The following DNAH5 variants were observed in gnomAD, a reference collection of about 807,000 sequenced individuals.
DNAH5 encodes the protein dynein axonemal heavy chain 5, also known as axonemal beta dynein heavy chain 5.
Under a neutral mutation model 518.2 loss-of-function variants are expected in DNAH5, and 372 were observed. The observed-to-expected ratio is 0.72, with a 90% CI of 0.66 to 0.78. DNAH5 has a LOEUF of 0.78. Ranked by LOEUF, DNAH5 falls within the 30% of genes least tolerant of loss-of-function variation. The pLI is 0.00. For synonymous variants in DNAH5, 2,039 were observed against 2,025.9 expected, an observed-to-expected ratio of 1.01 and a Z score of -0.17; for missense variants, 5,523 against 5,687.0, an observed-to-expected ratio of 0.97 and a Z score of 0.93.
chr5:13,907,592 A>T (rs1009300465), intron 12 of DNAH5, among the ~76,000 whole-genome samples: 1 of 152,210 alleles, frequency 6.6e-6, no homozygotes, highest in East Asian at 1.9e-4. Flanking sequence ...TGAACCCCTC[A>T]AATATGTTTT....
chr5:13,814,913 T>A lies in DNAH5; in HGVS notation c.6989-67A>T, dbSNP rs554170281. 4.9e-4 allele frequency: 704 copies of A among 1,447,960 alleles called. 3 individuals carry two copies. In the African/African-American group the frequency reaches 6.9e-3, roughly 14 times the overall value. The allele number at this position is 1,447,960 out of a possible 1,614,324, so 89.7% of individuals were successfully genotyped here. ...CATGCAGTGCATGTACACATAAGTT[T>A]AAAATAGCTTGAAGAACTATTATAT... On this transcript the variant is annotated intron_variant, in intron 42 of 78. Coordinates refer to ENST00000265104, the MANE Select transcript of DNAH5 (RefSeq NM_001369.3).
intron 78 of DNAH5, among the ~76,000 whole-genome samples, chr5:13,694,987 GGTGAGTT>G (rs1741169802): frequency 6.6e-6 from 1 of 152,184 alleles, no homozygotes; most frequent in Non-Finnish European, 1.5e-5. Context: ...AACAGAAGGA[GGTGAGTT>G]GTCCAAGATT....
intron 1 of DNAH5, among the ~76,000 whole-genome samples, chr5:13,988,286 G>C (rs1178634395): frequency 6.6e-6 from 1 of 152,110 alleles, no homozygotes. Flanking sequence ...CTGTCCCTTT[G>C]GTCTCCCATT....
chr5:13,780,625 T>C (rs954659975), intron 53 of DNAH5, among the ~76,000 whole-genome samples: 4 of 152,216 alleles, frequency 2.6e-5, no homozygotes, highest in African/African-American at 9.6e-5. Context: ...AGTGAGAGTT[T>C]GAAATATTTC....
intron 21 of DNAH5, among the ~76,000 whole-genome samples, chr5:13,881,581 A>G (rs977717483): frequency 3.7e-4 from 57 of 152,086 alleles, no homozygotes; most frequent in African/African-American, 1.3e-3. Context: ...AAACTTCTCA[A>G]ATCAGGTCAA....
chr5:13,834,716 G>A lies in DNAH5; in HGVS notation c.5883-3941C>T, dbSNP rs139634636. Among the ~76,000 whole-genome samples the A allele has an allele frequency of 3.3e-4, 51 of 152,322 alleles. No individual in the cohort carries two copies. The East Asian group carries it at 7.4e-3, about 22-fold the overall frequency. On this transcript the variant is annotated intron_variant, in intron 35 of 78. Transcript: ENST00000265104. ...GAGGGTGCCAGGCCAAGTGTATAATGAGGGCAAGGGCCCTGTGGCAGGGCT... is the reference window on the plus strand; with the variant it reads ...GAGGGTGCCAGGCCAAGTGTATAATAAGGGCAAGGGCCCTGTGGCAGGGCT...
intron 47 of DNAH5, among the ~76,000 whole-genome samples, chr5:13,805,416 T>A (rs549316533): frequency 6.6e-6 from 1 of 152,236 alleles, no homozygotes; most frequent in Non-Finnish European, 1.5e-5. Flanking sequence ...GAGAATTGCT[T>A]GAACCCAGGA....
Position 13,714,748 on chromosome 5 carries a change from A to T in DNAH5, c.12910-128T>A, listed in dbSNP as rs1744063423. Reference sequence around the variant, plus strand: ...ACTTAAGTCTTATTGGTGTCAAGCTACAAACTCAATAATTTCTCCAGAAAA... The same window carrying T: ...ACTTAAGTCTTATTGGTGTCAAGCTTCAAACTCAATAATTTCTCCAGAAAA... On this transcript the variant is annotated intron_variant, in intron 74 of 78. Coordinates refer to ENST00000265104, the MANE Select transcript of DNAH5 (RefSeq NM_001369.3). 3 of 875,554 alleles carry T rather than the reference A, an allele frequency of 3.4e-6. No individual in the cohort carries two copies. In the South Asian group the frequency reaches 4.4e-5, roughly 13 times the overall value. 54.2% of individuals were successfully genotyped at this position (875,554 alleles called of 1,614,324 possible). A position where few individuals can be genotyped will look rare whatever the true frequency, so the allele number is the denominator to read the frequency against.
At chr5:13,720,235 G>C (rs1744867122) in intron 71 of DNAH5, among the ~76,000 whole-genome samples, 1 of 151,978 alleles carries the variant, frequency 6.6e-6, no homozygotes, top group Admixed American at 6.5e-5. Context: ...TGCTGAATAA[G>C]TTATCTAAAC....
chr5:13,898,755 T>C (rs989831495), intron 15 of DNAH5: 2 of 396,604 alleles, frequency 5.0e-6, no homozygotes, highest in East Asian at 7.1e-5. Flanking sequence ...ATGGACTTAG[T>C]ATTGTCACGT....
At position 13,737,447 on chromosome 5, in the gene DNAH5, T is replaced by G. The variant is rs1382835820; in HGVS notation, c.11260A>C (p.Lys3754Gln). Residue 3754 changes from lysine to glutamine, a missense_variant, in exon 66 of 79, where the codon AAA (lysine) becomes CAA (glutamine). Lys to Gln is a moderately conservative substitution (Grantham distance 53). Transcript: ENST00000265104. ...THLMEDVTANKRRMKELEDNL... is the reference protein window; with the variant it reads ...THLMEDVTANQRRMKELEDNL... ...TCTTCTAGTTCCTTCATCCTTCTTT[T>G]GTTTGCAGTTACATCTTCCATCAGA... is the stretch of plus-strand genomic sequence containing the variant. 6.2e-7 allele frequency: 1 copy of G among 1,614,028 alleles called. No individual in the cohort carries two copies. Among genetic ancestry groups the G allele is most frequent in the Non-Finnish European group, 8.5e-7 (1 of 1,179,992 alleles).
chr5:13,829,595 G>T lies in DNAH5; in HGVS notation c.6359C>A (p.Ala2120Asp), dbSNP rs1763364219. ...DRQIIIRVKL[A>D]SCGFIDNVVL... Reference sequence around the variant, plus strand: ...AACGTTGTCAATGAAGCCACAACTAGCCAACTTCACCCTTATGATAATCTG... The same window carrying T: ...AACGTTGTCAATGAAGCCACAACTATCCAACTTCACCCTTATGATAATCTG... The change falls in exon 38 of 79, where the codon GCT (alanine) becomes GAT (aspartate). Residue 2120 changes from alanine (A) to aspartate (D), a missense_variant. Transcript: ENST00000265104. 6.2e-7 allele frequency: 1 copy of T among 1,614,036 alleles called. No individual in the cohort carries two copies. The highest frequency in any genetic ancestry group is 1.3e-5 in the African/African-American group (1 of 74,918).
intron 58 of DNAH5, among the ~76,000 whole-genome samples, chr5:13,767,669 T>A (rs541957146): frequency 1.3e-5 from 2 of 152,210 alleles, no homozygotes; most frequent in East Asian, 3.8e-4. Context: ...TCAAACAGCA[T>A]GGTGCTCAGC....
intron 1 of DNAH5, among the ~76,000 whole-genome samples, chr5:13,942,516 C>T (rs965415948): frequency 6.6e-6 from 1 of 152,194 alleles, no homozygotes; most frequent in Non-Finnish European, 1.5e-5. Flanking sequence ...CCCATCTGTA[C>T]ACTTCCTTGT....
chr5:13,936,920 T>G (rs1287068244), intron 1 of DNAH5, among the ~76,000 whole-genome samples: 1 of 152,134 alleles, frequency 6.6e-6, no homozygotes, highest in East Asian at 1.9e-4. Flanking sequence ...GGACATCTTT[T>G]CCCAGACCCT....
At chr5:13,820,236 T>G (rs967848886) in intron 41 of DNAH5, 110 bp downstream of exon 41, 2 of 1,114,226 alleles carry the variant, frequency 1.8e-6, no homozygotes, top group Non-Finnish European at 1.3e-6. Flanking sequence ...CAGTATTTCC[T>G]CCTATAAAAA....
At chr5:13,765,731 CTTCTTAAAATGATTTT>C (rs1321274815) in intron 59 of DNAH5, among the ~76,000 whole-genome samples, 2 of 152,032 alleles carry the variant, frequency 1.3e-5, no homozygotes, top group Non-Finnish European at 2.9e-5. Flanking sequence ...TACTTATTGT[CTTCTTAAAATGATTTT>C]TTTAACTTTT....
rs1753098748 is a variant in DNAH5 at position 13,769,919 on chromosome 5, C to G, written c.9606-304G>C. 2.0e-5 allele frequency among the ~76,000 whole-genome samples: 3 copies of G among 152,310 alleles called. No individual in the cohort carries two copies. In the South Asian group the frequency reaches 6.2e-4, roughly 32 times the overall value. On this transcript the variant is annotated intron_variant, in intron 56 of 78. Coordinates refer to ENST00000265104, the MANE Select transcript of DNAH5 (RefSeq NM_001369.3). ...AGGAAACATACTTAATGACATTAGGCTAAATGACAATAGACTTCAAATGCT... is the reference window on the plus strand; with the variant it reads ...AGGAAACATACTTAATGACATTAGGGTAAATGACAATAGACTTCAAATGCT...
In DNAH5 at chr5:13,902,136, G is replaced by A. The variant is rs139160176; in HGVS notation, c.1647C>T (p.Asn549=). Residue 549 remains asparagine (N), a splice_region_variant and synonymous_variant, in exon 13 of 79, where the codon AAC becomes AAT. Coordinates refer to ENST00000265104, the MANE Select transcript of DNAH5 (RefSeq NM_001369.3). ...TAACATCCATGAACTTCCGCAACTC[G>A]TTCTAAAACAGAATAAAATCTGATG... ...EFCKQTNDLH[N]ELRKFMDVTF... The A allele has an allele frequency of 2.6e-5, 41 of 1,599,470 alleles. No individual in the cohort carries two copies. In the Admixed American group the frequency reaches 3.9e-4, roughly 15 times the overall value.
Sources: allele counts gnomAD v4.1 joint callset (sites outside exome capture counted in the v4.1 genomes callset), GRCh38; gene constraint gnomAD v4.1.1; transcripts MANE v1.5; gene names NCBI Gene and HGNC (gene_info 2026-07-23, HGNC 2026-07-21).